Variants in CNOT2 observed in about 807,000 individuals in gnomAD.
The protein encoded by CNOT2 is CCR4-NOT transcription complex subunit 2.
A neutral mutation model predicts 72.1 loss-of-function variants in CNOT2; 7 were observed. The observed-to-expected ratio is 0.10, with a 90% confidence interval of 0.06 to 0.18. The LOEUF (loss-of-function observed/expected upper bound fraction) is 0.18. Ranked by LOEUF, CNOT2 falls within the 10% of genes least tolerant of loss-of-function variation. CNOT2 has a pLI of 1.00. For synonymous variants in CNOT2, 196 were observed against 225.6 expected, an observed-to-expected ratio of 0.87 and a Z score of 1.17; for missense variants, 345 against 660.3, an observed-to-expected ratio of 0.52 and a Z score of 5.23.
intron 2 of CNOT2, among the ~76,000 whole-genome samples, chr12:70,288,835 TTTTCTGCTTAGAC>T (rs1251797262): frequency 2.0e-5 from 3 of 152,196 alleles, no homozygotes; most frequent in African/African-American, 4.8e-5. Context: ...AAGGGAAACA[TTTTCTGCTTAGAC>T]TTCTGTTACA....
intron 2 of CNOT2, among the ~76,000 whole-genome samples, chr12:70,293,349 G>C (rs1024669887): frequency 6.6e-6 from 1 of 151,866 alleles, no homozygotes; most frequent in Non-Finnish European, 1.5e-5. Flanking sequence ...TAATAGAGAA[G>C]GGTTTCTCCA....
rs1175587317 is a variant in CNOT2 at position 70,286,940 on chromosome 12, TA to T, written c.48+8675del. Among the ~76,000 whole-genome samples, 7 of 151,938 alleles carry T rather than the reference TA, an allele frequency of 4.6e-5. No individual in the cohort carries two copies. The East Asian group carries it at 7.7e-4, about 17-fold the overall frequency. ...TTTGTTGCTTTTCTTGGTTGTAAATTAAAAAAAAATTTTTAGTTATAGGTGT... is the reference window on the plus strand; with the variant it reads ...TTTGTTGCTTTTCTTGGTTGTAAATTAAAAAAAATTTTTAGTTATAGGTGT... On this transcript the variant is annotated intron_variant, in intron 2 of 15. Transcript: ENST00000229195.
At chr12:70,337,965 TTA>T in intron 9 of CNOT2, 1 of 252,256 alleles carries the variant, frequency 4.0e-6, no homozygotes, top group Non-Finnish European at 7.7e-6. Flanking sequence ...TGATGGGAGT[TTA>T]TATATTATTA....
At chr12:70,270,332 G>A (rs957254827) in intron 1 of CNOT2, among the ~76,000 whole-genome samples, 4 of 152,042 alleles carry the variant, frequency 2.6e-5, no homozygotes, top group African/African-American at 7.2e-5. Context: ...CAAACAATAC[G>A]TTTGTCTGCA....
At chr12:70,324,473 TTGA>T (rs1005273565) in intron 4 of CNOT2, among the ~76,000 whole-genome samples, 4 of 151,670 alleles carry the variant, frequency 2.6e-5, no homozygotes, top group African/African-American at 9.7e-5. Context: ...CTAACAGGAC[TTGA>T]TGATGTAGGA....
intron 1 of CNOT2, among the ~76,000 whole-genome samples, chr12:70,261,876 C>G (rs938453495): frequency 2.0e-5 from 3 of 150,652 alleles, no homozygotes; most frequent in Non-Finnish European, 2.9e-5. Flanking sequence ...ATTACTAATG[C>G]AATCTCTTCA....
intron 11 of CNOT2, 173 bp from the exon 12 acceptor site, chr12:70,341,934 A>G: frequency 4.8e-6 from 3 of 621,940 alleles, no homozygotes. Context: ...TTTTACAGAC[A>G]CACACACAAA....
intron 1 of CNOT2, among the ~76,000 whole-genome samples, chr12:70,263,756 T>G (rs1958889838): frequency 6.6e-6 from 1 of 152,220 alleles, no homozygotes; most frequent in African/African-American, 2.4e-5. Flanking sequence ...TTGCATGTCA[T>G]AATTTGTGGG....
At position 70,354,069 on chromosome 12, in the gene CNOT2, T is replaced by C; in HGVS notation, c.*154T>C. On this transcript the variant is annotated 3_prime_UTR_variant, in exon 16 of 16. Transcript: ENST00000229195. The stretch of plus-strand genomic sequence containing the variant: ...ATTGGCTTACGCAAAAGGTCACCAT[T>C]TGAGGTCCTGCCTTACTAATTATGT... 1.5e-6 allele frequency: 2 copies of C among 1,331,132 alleles called. No homozygotes were observed. The highest frequency in any genetic ancestry group is 1.9e-5 in the South Asian group (1 of 52,152). 82.5% of individuals were successfully genotyped at this position (1,331,132 alleles called of 1,614,324 possible).
chr12:70,347,547 G>A (rs1882337449), intron 15 of CNOT2: 1 of 151,886 alleles, frequency 6.6e-6, no homozygotes, highest in South Asian at 2.1e-4. Flanking sequence ...GCAGGAGAAT[G>A]GCGTGAACCT....
At chr12:70,294,327 A>C in intron 2 of CNOT2, 2 of 1,281,202 alleles carry the variant, frequency 1.6e-6, no homozygotes, top group Non-Finnish European at 2.0e-6. Context: ...CGGGGGAAAA[A>C]TGGTACTGTC....
chr12:70,334,172 G>T (rs540498841), intron 7 of CNOT2, among the ~76,000 whole-genome samples: 1 of 151,848 alleles, frequency 6.6e-6, no homozygotes, highest in East Asian at 1.9e-4. Context: ...TGTATTAAAA[G>T]TTAATATATA....
intron 6 of CNOT2, chr12:70,331,268 T>G (rs1399224044): frequency 6.6e-6 from 1 of 151,926 alleles, no homozygotes; most frequent in Non-Finnish European, 1.5e-5. Context: ...TAAAATAGGT[T>G]TAGCACATTT....
chr12:70,291,207 G>A (rs1171335057), intron 2 of CNOT2, among the ~76,000 whole-genome samples: 1 of 151,982 alleles, frequency 6.6e-6, no homozygotes, highest in Non-Finnish European at 1.5e-5. Flanking sequence ...TTACCAATAA[G>A]CATTTCTTAC....
chr12:70,287,580 G>A (rs1871121864), intron 2 of CNOT2, among the ~76,000 whole-genome samples: 1 of 149,712 alleles, frequency 6.7e-6, no homozygotes, highest in Non-Finnish European at 1.5e-5. Flanking sequence ...AACCAAATTG[G>A]CAGGTGTATT....
intron 4 of CNOT2, among the ~76,000 whole-genome samples, chr12:70,325,825 C>T (rs1401170805): frequency 2.0e-5 from 3 of 151,782 alleles, no homozygotes; most frequent in South Asian, 4.1e-4. Context: ...TTAAGGACTA[C>T]TCTCTCCTGC....
intron 1 of CNOT2, among the ~76,000 whole-genome samples, chr12:70,257,234 A>G (rs904383699): frequency 2.6e-5 from 4 of 152,144 alleles, no homozygotes; most frequent in African/African-American, 9.7e-5. Flanking sequence ...TCTCTCTGTA[A>G]GAACAGGTAT....
chr12:70,269,152 G>A (rs1959171986), intron 1 of CNOT2, among the ~76,000 whole-genome samples: 1 of 152,124 alleles, frequency 6.6e-6, no homozygotes, highest in Non-Finnish European at 1.5e-5. Flanking sequence ...AGAAATGCTG[G>A]ATTCTGTTTT....
At chr12:70,314,080 G>T (rs1332814837) in intron 3 of CNOT2, among the ~76,000 whole-genome samples, 1 of 152,120 alleles carries the variant, frequency 6.6e-6, no homozygotes, top group Non-Finnish European at 1.5e-5. Context: ...TTTTTCGGAA[G>T]GATATTTCTC....
Sources: allele counts gnomAD v4.1 joint callset (sites outside exome capture counted in the v4.1 genomes callset), GRCh38; gene constraint gnomAD v4.1.1; transcripts MANE v1.5; gene names NCBI Gene and HGNC (gene_info 2026-07-23, HGNC 2026-07-21).